Variants in MORC1 observed in about 807,000 individuals in gnomAD.
MORC1 encodes the protein MORC family CW-type zinc finger protein 1.
A neutral mutation model predicts 134.9 loss-of-function variants in MORC1; 59 were observed. The observed-to-expected ratio is 0.44, with a 90% CI of 0.35 to 0.54. MORC1 has a LOEUF of 0.54. Ranked by LOEUF, MORC1 falls within the 20% of genes least tolerant of loss-of-function variation. The pLI is 0.00. For missense variants in MORC1, 947 were observed against 1,134.5 expected, an observed-to-expected ratio of 0.83 and a Z score of 2.37; for synonymous variants, 395 against 391.7, an observed-to-expected ratio of 1.01 and a Z score of -0.10.
intron 17 of MORC1, among the ~76,000 whole-genome samples, chr3:109,024,580 C>A (rs1002585525): frequency 1.4e-4 from 21 of 152,122 alleles, no homozygotes; most frequent in Non-Finnish European, 2.6e-4. Flanking sequence ...AGCTGAAATG[C>A]AAGAGAGTTA....
chr3:109,000,922 T>C (rs1331580938), intron 20 of MORC1, among the ~76,000 whole-genome samples: 2 of 152,164 alleles, frequency 1.3e-5, no homozygotes, highest in African/African-American at 4.8e-5. Context: ...ATGCCTAGTG[T>C]GTTTATTGGA....
chr3:109,059,594 GAC>G lies in MORC1; in HGVS notation c.1031+210_1031+211del, dbSNP rs542304424. Reference sequence around the variant, plus strand: ...TTTTTGGAAGTTTTAACATTATGTAGACACACGTGTACGTGCAAATATATACT... The same window carrying G: ...TTTTTGGAAGTTTTAACATTATGTAGACACGTGTACGTGCAAATATATACT... On this transcript the variant is annotated intron_variant, in intron 12 of 27. Coordinates refer to ENST00000232603, the MANE Select transcript of MORC1 (RefSeq NM_014429.4). 1.1e-4 allele frequency among the ~76,000 whole-genome samples: 16 copies of G among 152,092 alleles called. No homozygotes were observed. In the South Asian group the frequency reaches 3.3e-3, roughly 32 times the overall value.
At chr3:109,064,651 C>T (rs568583678) in intron 9 of MORC1, among the ~76,000 whole-genome samples, 1 of 152,152 alleles carries the variant, frequency 6.6e-6, no homozygotes, top group Non-Finnish European at 1.5e-5. Flanking sequence ...AATTAGCCCC[C>T]AGTTGTAAAT....
chr3:109,117,978 C>T lies in MORC1; in HGVS notation c.65+17G>A, dbSNP rs1559962824. 1.3e-6 allele frequency: 2 copies of T among 1,583,446 alleles called. No individual in the cohort carries two copies. Among genetic ancestry groups the T allele is most frequent in the African/African-American group, 1.3e-5 (1 of 74,346 alleles). On this transcript the variant is annotated intron_variant, in intron 1 of 27. Transcript: ENST00000232603. The stretch of plus-strand genomic sequence containing the variant: ...CGCAGAGACCCTCCCCGACCCCGAC[C>T]CCACCTCGGCACTCACGAGTTGGCG...
chr3:109,052,725 A>G (rs1046029051), intron 14 of MORC1, among the ~76,000 whole-genome samples: 1 of 152,218 alleles, frequency 6.6e-6, no homozygotes, highest in Non-Finnish European at 1.5e-5. Flanking sequence ...TTTAATGTAC[A>G]TGAATTACAC....
chr3:109,062,399 G>A (rs1164232198), intron 10 of MORC1, among the ~76,000 whole-genome samples: 1 of 151,934 alleles, frequency 6.6e-6, no homozygotes, highest in East Asian at 1.9e-4. Context: ...GCAGTAGGAG[G>A]AGTGAATATG....
intron 14 of MORC1, among the ~76,000 whole-genome samples, chr3:109,039,111 T>A (rs536747078): frequency 6.6e-6 from 1 of 152,154 alleles, no homozygotes; most frequent in Non-Finnish European, 1.5e-5. Context: ...GAGATGGACT[T>A]CACCATGTTG....
intron 8 of MORC1, among the ~76,000 whole-genome samples, chr3:109,077,791 G>C (rs1950450031): frequency 6.6e-6 from 1 of 152,038 alleles, no homozygotes; most frequent in South Asian, 2.1e-4. Flanking sequence ...GTCACAGTAA[G>C]TGTGAATTAG....
chr3:109,106,222 C>T (rs895024871), intron 3 of MORC1, among the ~76,000 whole-genome samples: 10 of 152,174 alleles, frequency 6.6e-5, no homozygotes, highest in Admixed American at 1.3e-4. Flanking sequence ...CGTTCAGCCT[C>T]GGGCAGCTCT....
At chr3:108,985,742 T>C (rs1465527065) in intron 22 of MORC1, among the ~76,000 whole-genome samples, 1 of 152,218 alleles carries the variant, frequency 6.6e-6, no homozygotes, top group Non-Finnish European at 1.5e-5. Flanking sequence ...TAAAATTAAA[T>C]ATTAATTTTA....
rs1246430775 is a variant in MORC1 at position 109,040,926 on chromosome 3, TAAAA to T, written c.1331-5462_1331-5459del. 6.7e-5 allele frequency among the ~76,000 whole-genome samples: 10 copies of T among 150,218 alleles called. No individual in the cohort carries two copies. The South Asian group carries it at 2.1e-3, about 32-fold the overall frequency. On this transcript the variant is annotated intron_variant, in intron 14 of 27. Transcript: ENST00000232603. ...AAATATCATAAAGAAATATAGAACT[TAAAA>T]AGAAAATAGAAATTATGGAGCTGAA...
intron 1 of MORC1, among the ~76,000 whole-genome samples, chr3:109,116,613 A>AT (rs1235702038): frequency 1.3e-5 from 2 of 152,010 alleles, no homozygotes; most frequent in Non-Finnish European, 2.9e-5. Flanking sequence ...TCTACTAAAA[A>AT]TTTTTTTAAA....
chr3:108,958,808 T>C lies in MORC1; in HGVS notation c.*157A>G. 1 of 409,494 alleles carries C rather than the reference T, an allele frequency of 2.4e-6. No homozygotes were observed. Among genetic ancestry groups the C allele is most frequent in the East Asian group, 4.1e-5 (1 of 24,346 alleles). 25.4% of individuals were successfully genotyped at this position (409,494 alleles called of 1,614,324 possible). A position where few individuals can be genotyped will look rare whatever the true frequency, so the allele number is the denominator to read the frequency against. On this transcript the variant is annotated 3_prime_UTR_variant, in exon 28 of 28. Coordinates refer to ENST00000232603, the MANE Select transcript of MORC1 (RefSeq NM_014429.4). ...TAAATTGTAAATCGGTCTCCATTTC[T>C]AGAGTACACAATTTTCTTATTTGAA...
At chr3:109,046,510 A>G (rs1949700103) in intron 14 of MORC1, among the ~76,000 whole-genome samples, 1 of 152,204 alleles carries the variant, frequency 6.6e-6, no homozygotes, top group Admixed American at 6.5e-5. Flanking sequence ...CATGGGCAAT[A>G]GCCTAGTCAG....
At chr3:109,063,083 A>G in intron 10 of MORC1, 69 bp downstream of exon 10, 4 of 1,203,492 alleles carry the variant, frequency 3.3e-6, no homozygotes, top group Non-Finnish European at 4.8e-6. Flanking sequence ...TATGTCTCAA[A>G]ATAAGTGCAC....
chr3:109,015,644 T>A (rs1948800185), intron 17 of MORC1, among the ~76,000 whole-genome samples: 1 of 152,232 alleles, frequency 6.6e-6, no homozygotes, highest in South Asian at 2.1e-4. Context: ...TCAGGATTAT[T>A]ATCAATGTTC....
chr3:109,102,497 G>A (rs932156446), intron 4 of MORC1, among the ~76,000 whole-genome samples: 8 of 152,180 alleles, frequency 5.3e-5, no homozygotes, highest in Middle Eastern at 3.4e-3. Context: ...TTAAAAACCC[G>A]GAAAGTACTG....
chr3:109,110,649 T>C (rs1252894473), intron 3 of MORC1, 100 bp downstream of exon 3: 5 of 1,025,898 alleles, frequency 4.9e-6, no homozygotes, highest in Non-Finnish European at 7.1e-6. Flanking sequence ...TACATTAAAA[T>C]TCTATAGAAT....
chr3:109,019,712 T>C (rs1430531826), intron 17 of MORC1, among the ~76,000 whole-genome samples: 1 of 152,210 alleles, frequency 6.6e-6, no homozygotes, highest in African/African-American at 2.4e-5. Context: ...AGCATTGTAA[T>C]AAGGATTAAA....
Sources: gnomAD v4.1 joint callset for allele counts (sites outside exome capture counted in the v4.1 genomes callset) on GRCh38, gnomAD v4.1.1 for gene constraint, MANE v1.5 for transcripts, NCBI Gene and HGNC (gene_info 2026-07-23, HGNC 2026-07-21) for gene names.